RBM6: variants seen among roughly 807,000 people sequenced by gnomAD.
RBM6 encodes RNA binding motif protein 6, also known as RNA-binding protein 6.
Under a neutral mutation model 140.4 loss-of-function variants are expected in RBM6, and 23 were observed. The ratio of observed to expected loss-of-function variants is 0.16; its 90% confidence interval spans 0.12 to 0.23. The LOEUF (loss-of-function observed/expected upper bound fraction) is 0.23. RBM6 is among the 10% of genes least tolerant of loss of function. The pLI is 1.00. For synonymous variants in RBM6, 439 were observed against 475.6 expected (o/e 0.92, Z 1.00); for missense variants, 1,139 against 1,386.7 (o/e 0.82, Z 2.84).
chr3:50,016,110 C>T (rs191247142), intron 6 of RBM6, among the ~76,000 whole-genome samples: 5 of 152,334 alleles, frequency 3.3e-5, no homozygotes, highest in Admixed American at 1.3e-4. Flanking sequence ...TCTCCACCCA[C>T]GGCCTCTGGT....
At chr3:50,072,418 AAAAG>A (rs1168533064) in intron 19 of RBM6, among the ~76,000 whole-genome samples, 3 of 151,628 alleles carry the variant, frequency 2.0e-5, no homozygotes, top group African/African-American at 2.4e-5. Context: ...TCAAAAAAAA[AAAAG>A]AAAAGAAAAG....
At chr3:50,006,068 C>T (rs1553648917) in intron 6 of RBM6, among the ~76,000 whole-genome samples, 2 of 143,924 alleles carry the variant, frequency 1.4e-5, no homozygotes, top group Non-Finnish European at 3.0e-5. Context: ...CTGATTGAGA[C>T]TTTTTTTTTT....
At chr3:49,958,351 C>A (rs868169413) in intron 1 of RBM6, among the ~76,000 whole-genome samples, 1 of 151,956 alleles carries the variant, frequency 6.6e-6, no homozygotes, top group East Asian at 1.9e-4. Context: ...GTCAGGAGAT[C>A]GAGACCATCC....
chr3:50,064,617 T>C (rs1301695414), intron 15 of RBM6, among the ~76,000 whole-genome samples: 5 of 151,986 alleles, frequency 3.3e-5, no homozygotes, highest in Non-Finnish European at 7.4e-5. Context: ...GTTCCAGCAG[T>C]TCTTCTACCT....
intron 19 of RBM6, among the ~76,000 whole-genome samples, chr3:50,074,653 A>G (rs193066473): frequency 1.2e-4 from 19 of 152,246 alleles, no homozygotes; most frequent in Non-Finnish European, 1.8e-4. Flanking sequence ...GCTCTCTTCA[A>G]TGTTCTATAA....
chr3:49,951,144 G>GA (rs1223562746), intron 1 of RBM6, among the ~76,000 whole-genome samples: 1 of 152,192 alleles, frequency 6.6e-6, no homozygotes, highest in African/African-American at 2.4e-5. Flanking sequence ...TTTGAGTAGT[G>GA]AAAATCATAG....
At chr3:50,068,911 TAATAC>T in intron 18 of RBM6, 147 bp downstream of exon 18, 1 of 611,436 alleles carries the variant, frequency 1.6e-6, no homozygotes, top group Non-Finnish European at 2.8e-6. Flanking sequence ...CCAAATTATA[TAATAC>T]AATCAAAATA....
intron 5 of RBM6, among the ~76,000 whole-genome samples, chr3:49,987,489 T>C (rs1194100720): frequency 6.6e-6 from 1 of 151,924 alleles, no homozygotes; most frequent in African/African-American, 2.4e-5. Context: ...CTAAATTTTT[T>C]GTAATTTTAG....
chr3:50,066,155 A>G, intron 16 of RBM6, 87 bp from the exon 17 acceptor site: 2 of 1,385,254 alleles, frequency 1.4e-6, no homozygotes, highest in Non-Finnish European at 1.9e-6. Context: ...ATTCAATGAA[A>G]TGAGATGCCC....
At chr3:49,998,868 G>A (rs1256531571) in intron 5 of RBM6, among the ~76,000 whole-genome samples, 1 of 152,108 alleles carries the variant, frequency 6.6e-6, no homozygotes, top group African/African-American at 2.4e-5. Context: ...AAAAAGAGGA[G>A]ACCTGAAATG....
At chr3:49,984,612 CATCG>C (rs2085466940) in intron 5 of RBM6, among the ~76,000 whole-genome samples, 1 of 17,448 alleles carries the variant, frequency 5.7e-5, no homozygotes, top group Non-Finnish European at 1.5e-4. Context: ...CATCACATCA[CATCG>C]CATCGCATCG....
intron 3 of RBM6, among the ~76,000 whole-genome samples, chr3:49,969,143 A>G (rs1211707768): frequency 3.3e-5 from 5 of 149,818 alleles, no homozygotes; most frequent in Non-Finnish European, 7.4e-5. Context: ...TCCTGCCTCA[A>G]CCTCCTGAGT....
intron 6 of RBM6, among the ~76,000 whole-genome samples, chr3:50,044,158 G>A (rs1210770126): frequency 2.6e-5 from 4 of 151,290 alleles, no homozygotes; most frequent in South Asian, 2.1e-4. Flanking sequence ...GATTACAGGC[G>A]TGAGCCACCG....
At chr3:50,036,584 AGTAAATGCTGC>A (rs1363102737) in intron 6 of RBM6, among the ~76,000 whole-genome samples, 1 of 152,206 alleles carries the variant, frequency 6.6e-6, no homozygotes, top group African/African-American at 2.4e-5. Context: ...ATTATAGCTC[AGTAAATGCTGC>A]TTTCCAAATA....
intron 2 of RBM6, among the ~76,000 whole-genome samples, chr3:49,963,290 G>A (rs1380519458): frequency 6.6e-6 from 1 of 152,018 alleles, no homozygotes; most frequent in Non-Finnish European, 1.5e-5. Context: ...CTGGAGTGCA[G>A]TGGTGCGATC....
chr3:50,030,723 G>A (rs2088106244), intron 6 of RBM6, among the ~76,000 whole-genome samples: 1 of 152,158 alleles, frequency 6.6e-6, no homozygotes, highest in African/African-American at 2.4e-5. Flanking sequence ...CAGGGACCCA[G>A]GTTCTTTCAA....
chr3:49,974,523 C>T (rs546036639), intron 4 of RBM6, among the ~76,000 whole-genome samples: 21 of 151,772 alleles, frequency 1.4e-4, no homozygotes, highest in South Asian at 4.2e-4. Flanking sequence ...AGGTGCCCGC[C>T]ACCACGCCTG....
chr3:49,964,247 A>G (rs2084409560), intron 2 of RBM6, among the ~76,000 whole-genome samples: 1 of 152,190 alleles, frequency 6.6e-6, no homozygotes, highest in African/African-American at 2.4e-5. Context: ...CTTAAATGCA[A>G]CAGATGTTCT....
chr3:50,070,526 G>A lies in RBM6; in HGVS notation c.3090G>A (p.Arg1030=). 6 of 1,613,698 alleles carry A rather than the reference G, an allele frequency of 3.7e-6. No homozygotes were observed. The highest frequency in any genetic ancestry group is 5.1e-6 in the Non-Finnish European group (6 of 1,179,710). The change falls in exon 19 of 21, where the codon CGG becomes CGA. Residue 1030 remains arginine (R), a synonymous_variant. Coordinates refer to ENST00000266022, the MANE Select transcript of RBM6 (RefSeq NM_005777.3). The stretch of plus-strand genomic sequence containing the variant: ...CTTTTGACTCTCCAGAAAGGAAACG[G>A]ATTAAGTACTCCAGGGAAACTGACA... ...LQSFDSPERK[R]IKYSRETDSD... is the part of the protein sequence containing the mutation.
Sources: gnomAD v4.1 joint callset for allele counts (sites outside exome capture counted in the v4.1 genomes callset) on GRCh38, gnomAD v4.1.1 for gene constraint, MANE v1.5 for transcripts, NCBI Gene and HGNC (gene_info 2026-07-23, HGNC 2026-07-21) for gene names.